The following RASAL2 variants were observed in gnomAD, a reference collection of about 807,000 sequenced individuals.
The protein encoded by RASAL2 is ras GTPase-activating protein nGAP.
A neutral mutation model predicts 128.9 loss-of-function variants in RASAL2; 58 were observed. The ratio of observed to expected loss-of-function variants is 0.45; its 90% confidence interval spans 0.36 to 0.56. The LOEUF is 0.56. RASAL2 is among the 20% of genes least tolerant of loss of function. The probability of loss-of-function intolerance (pLI) is 0.00; values close to 1 mark genes in which losing one functional copy is unlikely to be tolerated. For missense variants in RASAL2, 1,360 were observed against 1,601.6 expected (o/e 0.85, Z 2.57); for synonymous variants, 561 against 580.8 (o/e 0.97, Z 0.49).
intron 1 of RASAL2, among the ~76,000 whole-genome samples, chr1:178,208,154 C>T (rs1044305339): frequency 2.0e-5 from 3 of 152,082 alleles, no homozygotes; most frequent in African/African-American, 7.2e-5. Flanking sequence ...GAAATCAGTG[C>T]ACCTTGAGGA....
rs781574626 is a variant in RASAL2 at position 178,293,785 on chromosome 1, T to G, written c.331-6207T>G. ...ACGTGGAATTAGTTGCATAAATGAATAATTATAATTTAACACAGTAAGTAT... is the reference window on the plus strand; with the variant it reads ...ACGTGGAATTAGTTGCATAAATGAAGAATTATAATTTAACACAGTAAGTAT... On this transcript the variant is annotated intron_variant, in intron 2 of 17. Coordinates refer to ENST00000367649, the MANE Select transcript of RASAL2 (RefSeq NM_170692.4). 9.9e-5 allele frequency among the ~76,000 whole-genome samples: 15 copies of G among 152,236 alleles called. No homozygotes were observed. In the South Asian group the frequency reaches 1.7e-3, roughly 17 times the overall value.
intron 3 of RASAL2, among the ~76,000 whole-genome samples, chr1:178,310,559 C>G (rs966290351): frequency 1.3e-5 from 2 of 152,050 alleles, no homozygotes; most frequent in Non-Finnish European, 2.9e-5. Flanking sequence ...CTCTTATGAG[C>G]TAGATTTTGA....
intron 1 of RASAL2, among the ~76,000 whole-genome samples, chr1:178,260,124 G>T (rs923697872): frequency 1.3e-5 from 2 of 150,764 alleles, no homozygotes; most frequent in African/African-American, 4.9e-5. Flanking sequence ...AAGCCGAGGT[G>T]GGTGGAACAC....
intron 3 of RASAL2, among the ~76,000 whole-genome samples, chr1:178,315,285 A>G (rs1341015280): frequency 2.0e-5 from 3 of 148,080 alleles, no homozygotes; most frequent in South Asian, 2.1e-4. Flanking sequence ...CATGATTTAT[A>G]GTCATTTGGG....
chr1:178,167,169 G>A (rs1558091657), intron 1 of RASAL2, among the ~76,000 whole-genome samples: 1 of 152,034 alleles, frequency 6.6e-6, no homozygotes, highest in South Asian at 2.1e-4. Flanking sequence ...CAGTAAGAGT[G>A]TTCATAAACC....
At chr1:178,303,133 C>G (rs896548606) in intron 3 of RASAL2, among the ~76,000 whole-genome samples, 1 of 152,118 alleles carries the variant, frequency 6.6e-6, no homozygotes, top group African/African-American at 2.4e-5. Context: ...TGACATTTCC[C>G]TCACGGCAGT....
intron 1 of RASAL2, among the ~76,000 whole-genome samples, chr1:178,260,345 C>T (rs1450584443): frequency 1.6e-4 from 2 of 12,810 alleles, no homozygotes; most frequent in African/African-American, 5.3e-4. Flanking sequence ...GAGCGAGACT[C>T]GTCTCAAAAA....
At chr1:178,293,836 G>A (rs1377317683) in intron 2 of RASAL2, among the ~76,000 whole-genome samples, 1 of 152,188 alleles carries the variant, frequency 6.6e-6, no homozygotes, top group Non-Finnish European at 1.5e-5. Context: ...TGTGTTACCG[G>A]AGAACTAAAT....
chr1:178,454,308 T>C, intron 11 of RASAL2, 139 bp from the exon 12 acceptor site: 1 of 626,148 alleles, frequency 1.6e-6, no homozygotes, highest in South Asian at 2.1e-5. Flanking sequence ...TTATAACATT[T>C]ATCACTTATA....
intron 2 of RASAL2, among the ~76,000 whole-genome samples, chr1:178,286,657 C>T (rs2102225544): frequency 6.6e-6 from 1 of 152,328 alleles, no homozygotes; most frequent in South Asian, 2.1e-4. Flanking sequence ...GGTGATCCAC[C>T]CGCCTCAGCC....
intron 3 of RASAL2, among the ~76,000 whole-genome samples, chr1:178,306,660 A>AT (rs1368273141): frequency 3.3e-5 from 5 of 151,738 alleles, no homozygotes; most frequent in Non-Finnish European, 7.4e-5. Flanking sequence ...GATGATGAGC[A>AT]TTTTTTCATG....
At chr1:178,432,522 A>G (rs929007997) in intron 5 of RASAL2, among the ~76,000 whole-genome samples, 7 of 152,054 alleles carry the variant, frequency 4.6e-5, no homozygotes, top group Admixed American at 2.0e-4. Context: ...CTCAATATGT[A>G]TGTTCTGTTT....
At chr1:178,323,439 C>T (rs1349180938) in intron 3 of RASAL2, among the ~76,000 whole-genome samples, 1 of 152,070 alleles carries the variant, frequency 6.6e-6, no homozygotes, top group Non-Finnish European at 1.5e-5. Flanking sequence ...ACCATACCCA[C>T]TTGAGAGAAA....
chr1:178,245,332 G>T (rs1323346446), intron 1 of RASAL2, among the ~76,000 whole-genome samples: 1 of 152,228 alleles, frequency 6.6e-6, no homozygotes, highest in Non-Finnish European at 1.5e-5. Flanking sequence ...GACCAGTGAT[G>T]ATGAGCTTTT....
chr1:178,464,831 GTTTTTTTTTTTT>G (rs986789340), intron 15 of RASAL2, among the ~76,000 whole-genome samples: 4 of 38,198 alleles, frequency 1.0e-4, no homozygotes, highest in Admixed American at 3.5e-4. Flanking sequence ...GGTTTTAGTT[GTTTTTTTTTTTT>G]TTTTTTTTTT....
At chr1:178,284,937 C>T (rs1666946744) in intron 2 of RASAL2, among the ~76,000 whole-genome samples, 1 of 151,944 alleles carries the variant, frequency 6.6e-6, no homozygotes, top group Non-Finnish European at 1.5e-5. Flanking sequence ...TCTTAATTCT[C>T]CTCTGTGGAT....
At chr1:178,267,270 A>G (rs1003274304) in intron 1 of RASAL2, among the ~76,000 whole-genome samples, 8 of 152,152 alleles carry the variant, frequency 5.3e-5, no homozygotes, top group Admixed American at 1.3e-4. Context: ...AATAATATAC[A>G]TACACTGTTG....
At chr1:178,323,990 G>C (rs1234174586) in intron 3 of RASAL2, among the ~76,000 whole-genome samples, 2 of 152,202 alleles carry the variant, frequency 1.3e-5, no homozygotes, top group African/African-American at 4.8e-5. Flanking sequence ...ACCTTTACCA[G>C]TGACTGTGCT....
intron 1 of RASAL2, among the ~76,000 whole-genome samples, chr1:178,171,868 G>A (rs1048963927): frequency 6.6e-6 from 1 of 151,908 alleles, no homozygotes; most frequent in African/African-American, 2.4e-5. Context: ...ATTTTCAAAA[G>A]GATTTATCAT....
Sources: allele counts gnomAD v4.1 joint callset (sites outside exome capture counted in the v4.1 genomes callset), GRCh38; gene constraint gnomAD v4.1.1; transcripts MANE v1.5; gene names NCBI Gene and HGNC (gene_info 2026-07-23, HGNC 2026-07-21).